The following AGMO variants were observed in gnomAD, a reference collection of about 807,000 sequenced individuals.
The protein encoded by AGMO is glyceryl-ether monooxygenase.
AGMO carries 75 observed loss-of-function variants against 60.2 expected under a neutral mutation model. The observed-to-expected ratio is 1.25, with a 90% CI of 1.03 to 1.51. The LOEUF is 1.51. AGMO is among the 40% of genes most tolerant of loss of function. The pLI, the probability that AGMO is intolerant of heterozygous loss-of-function variation, is 0.00. For missense variants in AGMO, 763 were observed against 525.5 expected (o/e 1.45, Z -4.42); for synonymous variants, 261 against 177.1 (o/e 1.47, Z -3.76).
At chr7:15,492,683 C>T (rs916890476) in intron 3 of AGMO, among the ~76,000 whole-genome samples, 6 of 152,010 alleles carry the variant, frequency 3.9e-5, no homozygotes, top group Admixed American at 3.3e-4. Context: ...TTATCTAGTT[C>T]ACCGTTGTTT....
At chr7:15,365,449 G>T in intron 12 of AGMO, 65 bp downstream of exon 12, 1 of 934,350 alleles carries the variant, frequency 1.1e-6, no homozygotes. Flanking sequence ...AAACATCCTT[G>T]AATGAATAAA....
chr7:15,269,007 T>A (rs919390070), intron 12 of AGMO, among the ~76,000 whole-genome samples: 1 of 152,066 alleles, frequency 6.6e-6, no homozygotes, highest in African/African-American at 2.4e-5. Flanking sequence ...ATGGTTTAGC[T>A]TAGGATTGAG....
intron 12 of AGMO, among the ~76,000 whole-genome samples, chr7:15,323,497 T>C (rs114581241): frequency 0.013 from 1,934 of 152,290 alleles, 45 homozygotes; most frequent in African/African-American, 0.045. Flanking sequence ...AGGAGGGATA[T>C]TGTCAACATT....
chr7:15,321,436 G>T (rs890906570), intron 12 of AGMO, among the ~76,000 whole-genome samples: 2 of 152,122 alleles, frequency 1.3e-5, no homozygotes, highest in Non-Finnish European at 2.9e-5. Context: ...GCGAAAGTTT[G>T]TAAGTACATC....
At chr7:15,248,179 CAT>C (rs71549925) in intron 12 of AGMO, among the ~76,000 whole-genome samples, 756 of 32,506 alleles carry the variant, frequency 0.023, 11 homozygotes, top group African/African-American at 0.026. Context: ...GATCCAGCAC[CAT>C]ATATATATAT....
At chr7:15,426,623 C>T (rs1307329687) in intron 4 of AGMO, among the ~76,000 whole-genome samples, 1 of 152,084 alleles carries the variant, frequency 6.6e-6, no homozygotes, top group African/African-American at 2.4e-5. Flanking sequence ...GTGGTGCCCA[C>T]CTGTAATCCC....
At chr7:15,552,108 G>C (rs1240617067) in intron 2 of AGMO, among the ~76,000 whole-genome samples, 3 of 152,184 alleles carry the variant, frequency 2.0e-5, no homozygotes, top group East Asian at 3.9e-4. Context: ...GGGAAAACTG[G>C]CTAGCCATAT....
At chr7:15,357,658 T>C (rs1782589666) in intron 12 of AGMO, among the ~76,000 whole-genome samples, 1 of 152,146 alleles carries the variant, frequency 6.6e-6, no homozygotes, top group African/African-American at 2.4e-5. Flanking sequence ...GCAACTGCAA[T>C]GTACAGAACT....
chr7:15,482,225 G>A (rs1490489911), intron 3 of AGMO, among the ~76,000 whole-genome samples: 1 of 151,600 alleles, frequency 6.6e-6, no homozygotes, highest in Non-Finnish European at 1.5e-5. Flanking sequence ...CCAAAAGATG[G>A]TTTTCTGAAA....
the AGMO span, among the ~76,000 whole-genome samples, chr7:15,160,754 C>G: frequency 1.4e-4 from 21 of 152,178 alleles, no homozygotes; most frequent in African/African-American, 4.6e-4. Context: ...CCATGGAACC[C>G]AGGTATTTGG....
chr7:15,451,004 C>A (rs2128505494), intron 3 of AGMO, among the ~76,000 whole-genome samples: 1 of 152,056 alleles, frequency 6.6e-6, no homozygotes, highest in East Asian at 1.9e-4. Flanking sequence ...TGTTTTATAT[C>A]TGTGAATAAT....
intron 12 of AGMO, among the ~76,000 whole-genome samples, chr7:15,286,424 A>T (rs1277882078): frequency 1.3e-5 from 2 of 152,154 alleles, no homozygotes; most frequent in Non-Finnish European, 2.9e-5. Context: ...ACATAAATAG[A>T]CATTTCTCAA....
intron 3 of AGMO, among the ~76,000 whole-genome samples, chr7:15,536,865 ATTATAC>A (rs1784496449): frequency 6.6e-6 from 1 of 151,950 alleles, no homozygotes; most frequent in African/African-American, 2.4e-5. Context: ...TTTAGTCATA[ATTATAC>A]TTGTTCAATA....
intron 3 of AGMO, among the ~76,000 whole-genome samples, chr7:15,491,129 A>G (rs1248614039): frequency 6.6e-6 from 1 of 152,204 alleles, no homozygotes; most frequent in Non-Finnish European, 1.5e-5. Context: ...TCTCTGAATC[A>G]ACAAAGATGC....
intron 12 of AGMO, among the ~76,000 whole-genome samples, chr7:15,252,704 G>A (rs1178359307): frequency 6.6e-6 from 1 of 152,200 alleles, no homozygotes; most frequent in East Asian, 1.9e-4. Flanking sequence ...ACTGTCAGAA[G>A]CTCAGTTAAG....
intron 12 of AGMO, among the ~76,000 whole-genome samples, chr7:15,357,928 A>T (rs970792716): frequency 2.0e-5 from 3 of 152,202 alleles, no homozygotes; most frequent in African/African-American, 7.2e-5. Context: ...CCTGAATTTT[A>T]CCAAATAAAC....
At chr7:15,488,970 T>A (rs1002555825) in intron 3 of AGMO, among the ~76,000 whole-genome samples, 1 of 152,180 alleles carries the variant, frequency 6.6e-6, no homozygotes. Context: ...ACTGAATGAC[T>A]TGGAAAAGTT....
At position 15,431,118 on chromosome 7, in the gene AGMO, A is replaced by C; in HGVS notation, c.410-10T>G. ...CACATAATATTAACTTCTGCAAAAC[A>C]CATAATTTGCAATGAGCCATGAGAA... On this transcript the variant is annotated splice_polypyrimidine_tract_variant and intron_variant, in intron 3 of 12. Transcript: ENST00000342526. 1.3e-6 allele frequency: 2 copies of C among 1,595,628 alleles called. No individual in the cohort carries two copies. The highest frequency in any genetic ancestry group is 2.7e-5 in the African/African-American group (2 of 74,482).
chr7:15,547,439 G>A (rs1784812289), intron 2 of AGMO, among the ~76,000 whole-genome samples: 1 of 152,036 alleles, frequency 6.6e-6, no homozygotes, highest in African/African-American at 2.4e-5. Flanking sequence ...CCAGACAGTG[G>A]GCGCAGGTCA....
Sources: allele counts gnomAD v4.1 joint callset (sites outside exome capture counted in the v4.1 genomes callset), GRCh38; gene constraint gnomAD v4.1.1; transcripts MANE v1.5; gene names NCBI Gene and HGNC (gene_info 2026-07-23, HGNC 2026-07-21).